GABRB2: variants seen among roughly 807,000 people sequenced by gnomAD.
The protein encoded by GABRB2 is gamma-aminobutyric acid receptor subunit beta-2.
GABRB2 carries 16 observed loss-of-function variants against 54.7 expected under a neutral mutation model. That is an observed-to-expected ratio of 0.29 (90% CI 0.20 to 0.44). The LOEUF is 0.44. Among genes scored for constraint, GABRB2 ranks in the 20% least tolerant of loss-of-function variants. GABRB2 has a pLI of 1.00. For synonymous variants in GABRB2, 244 were observed against 233.8 expected (o/e 1.04, Z -0.40); for missense variants, 355 against 644.0 (o/e 0.55, Z 4.86).
chr5:161,316,506 T>G (rs1457822455), intron 9 of GABRB2, among the ~76,000 whole-genome samples: 3 of 152,196 alleles, frequency 2.0e-5, no homozygotes, highest in African/African-American at 7.2e-5. Flanking sequence ...TTCTTTCTTT[T>G]TGTTTATTTT....
In GABRB2 at chr5:161,292,636, C is replaced by T. The variant is rs1051202158; in HGVS notation, c.*1445G>A. 1 of 152,090 alleles carries T rather than the reference C, an allele frequency of 6.6e-6. No individual in the cohort carries two copies. Among genetic ancestry groups the T allele is most frequent in the Non-Finnish European group, 1.5e-5 (1 of 68,016 alleles). The allele number at this position is 152,090 out of a possible 1,614,324, so 9.4% of individuals were successfully genotyped here. A position where few individuals can be genotyped will look rare whatever the true frequency, so the allele number is the denominator to read the frequency against. On this transcript the variant is annotated 3_prime_UTR_variant, in exon 10 of 10. Coordinates refer to ENST00000393959, the MANE Select transcript of GABRB2 (RefSeq NM_001371727.1). ...CATAACATTTATCATGTTAATGTGG[C>T]TTTGTTATTATTTTCCACTAGTTTT...
At chr5:161,467,704 AT>A (rs1197220816) in intron 3 of GABRB2, among the ~76,000 whole-genome samples, 1 of 152,006 alleles carries the variant, frequency 6.6e-6, no homozygotes, top group Non-Finnish European at 1.5e-5. Flanking sequence ...TTAAAAACTT[AT>A]TTTTTTCCAC....
chr5:161,334,548 T>C (rs1302215282), intron 7 of GABRB2, among the ~76,000 whole-genome samples: 1 of 152,226 alleles, frequency 6.6e-6, no homozygotes, highest in Non-Finnish European at 1.5e-5. Flanking sequence ...GGTTAACTAA[T>C]ACTGACATGA....
At chr5:161,430,121 C>T (rs1439686938) in intron 4 of GABRB2, among the ~76,000 whole-genome samples, 2 of 151,924 alleles carry the variant, frequency 1.3e-5, no homozygotes, top group East Asian at 1.9e-4. Flanking sequence ...TAAAAGCCTC[C>T]GAGAAACTAA....
chr5:161,420,064 A>AT (rs1394346056), intron 4 of GABRB2, among the ~76,000 whole-genome samples: 1 of 152,130 alleles, frequency 6.6e-6, no homozygotes, highest in Admixed American at 6.5e-5. Flanking sequence ...AAAGTGATTA[A>AT]TTTTTTTCTC....
rs574340023 is a variant in GABRB2, at chr5:161,346,481, A to G, written c.542-9712T>C. Among the ~76,000 whole-genome samples the G allele has an allele frequency of 9.7e-4, 147 of 152,278 alleles. 2 individuals are homozygous for G. Among genetic ancestry groups the G allele is most frequent in the African/African-American group, 3.4e-3 (141 of 41,582 alleles). The stretch of plus-strand genomic sequence containing the variant: ...CAATAAAGTGTCAACTGTTACACCA[A>G]CATATCTGCTTTCTAATAAGAGGTA... On this transcript the variant is annotated intron_variant, in intron 5 of 9. Transcript: ENST00000393959.
intron 9 of GABRB2, among the ~76,000 whole-genome samples, chr5:161,302,256 C>A (rs1024964796): frequency 6.6e-6 from 1 of 152,198 alleles, no homozygotes; most frequent in Non-Finnish European, 1.5e-5. Context: ...TCTATCCTAA[C>A]ATTTTTCATG....
intron 4 of GABRB2, among the ~76,000 whole-genome samples, chr5:161,456,867 G>A (rs1272808411): frequency 6.6e-6 from 1 of 151,852 alleles, no homozygotes; most frequent in East Asian, 1.9e-4. Context: ...GCTGGGGGTG[G>A]GTAAGTAGCA....
At chr5:161,536,880 G>A (rs1760653524) in intron 3 of GABRB2, among the ~76,000 whole-genome samples, 1 of 152,116 alleles carries the variant, frequency 6.6e-6, no homozygotes, top group Non-Finnish European at 1.5e-5. Context: ...TTACAGGCGT[G>A]AGCCACCATG....
intron 5 of GABRB2, among the ~76,000 whole-genome samples, chr5:161,400,897 C>G (rs1756164258): frequency 6.6e-6 from 1 of 152,024 alleles, no homozygotes; most frequent in Non-Finnish European, 1.5e-5. Context: ...TTCAACTTAC[C>G]CAGGTTTTAC....
At chr5:161,479,862 A>G (rs1758706370) in intron 3 of GABRB2, among the ~76,000 whole-genome samples, 1 of 152,066 alleles carries the variant, frequency 6.6e-6, no homozygotes, top group African/African-American at 2.4e-5. Flanking sequence ...TACTGGGATT[A>G]CAGGTGTGAG....
In GABRB2 at chr5:161,510,240, C is replaced by A. The variant is rs192033971; in HGVS notation, c.237+34987G>T. On this transcript the variant is annotated intron_variant, in intron 3 of 9. Transcript: ENST00000393959. ...ATTCATTCTTCTAATTATTTTCCTC[C>A]CCCAGCTCCCCCCCAACCTCCCCAG... Among the ~76,000 whole-genome samples the A allele has an allele frequency of 3.0e-3, 451 of 151,360 alleles. 1 individual carries two copies. Among genetic ancestry groups the A allele is most frequent in the Non-Finnish European group, 4.6e-3 (309 of 67,732 alleles).
At chr5:161,462,598 T>C (rs984005526) in intron 3 of GABRB2, among the ~76,000 whole-genome samples, 1 of 152,164 alleles carries the variant, frequency 6.6e-6, no homozygotes, top group Admixed American at 6.6e-5. Flanking sequence ...TCAGCTGAGA[T>C]GTGTTTGGAC....
intron 5 of GABRB2, among the ~76,000 whole-genome samples, chr5:161,349,670 A>G (rs751367178): frequency 6.6e-6 from 1 of 152,108 alleles, no homozygotes; most frequent in African/African-American, 2.4e-5. Flanking sequence ...TCCATGTTGT[A>G]AACTGCCCCA....
intron 3 of GABRB2, among the ~76,000 whole-genome samples, chr5:161,474,072 A>G (rs1758523697): frequency 6.6e-6 from 1 of 151,986 alleles, no homozygotes; most frequent in African/African-American, 2.4e-5. Context: ...AGAAAGTCCC[A>G]AGCCCAGGAA....
At chr5:161,433,653 G>A (rs1757234160) in intron 4 of GABRB2, among the ~76,000 whole-genome samples, 1 of 151,562 alleles carries the variant, frequency 6.6e-6, no homozygotes. Context: ...ATATAAAACA[G>A]AATTATGCTT....
intron 3 of GABRB2, among the ~76,000 whole-genome samples, chr5:161,522,489 A>G (rs557991758): frequency 4.3e-4 from 65 of 151,672 alleles, no homozygotes; most frequent in African/African-American, 1.5e-3. Flanking sequence ...CAACACAACC[A>G]CTGCTTGTCA....
chr5:161,465,476 C>T (rs910378133), intron 3 of GABRB2, among the ~76,000 whole-genome samples: 4 of 152,056 alleles, frequency 2.6e-5, no homozygotes, highest in Non-Finnish European at 5.9e-5. Context: ...TATTCAAACT[C>T]ATGTTGTCAT....
intron 9 of GABRB2, among the ~76,000 whole-genome samples, chr5:161,295,887 C>G (rs252964): frequency 0.12 from 17,843 of 152,208 alleles, 1,153 homozygotes; most frequent in Non-Finnish European, 0.14. Flanking sequence ...AAGTTTATAT[C>G]ATTTGGAAAC....
Sources: allele counts gnomAD v4.1 joint callset (sites outside exome capture counted in the v4.1 genomes callset), GRCh38; gene constraint gnomAD v4.1.1; transcripts MANE v1.5; gene names NCBI Gene and HGNC (gene_info 2026-07-23, HGNC 2026-07-21).